The following GLIS3 variants were observed in gnomAD, a reference collection of about 807,000 sequenced individuals.
GLIS3 encodes the protein zinc finger protein GLIS3.
GLIS3 carries 53 observed loss-of-function variants against 78.6 expected under a neutral mutation model. That is an observed-to-expected ratio of 0.67 (90% confidence interval 0.54 to 0.85). The LOEUF (loss-of-function observed/expected upper bound fraction) is 0.85, where lower values mean the gene tolerates loss of function less well. Among genes scored for constraint, GLIS3 ranks in the 40% least tolerant of loss-of-function variants. The probability of loss-of-function intolerance (pLI) is 0.00; values close to 1 mark genes in which losing one functional copy is unlikely to be tolerated. For synonymous variants in GLIS3, 684 were observed against 509.9 expected (o/e 1.34, Z -4.60); for missense variants, 1,703 against 1,231.1 (o/e 1.38, Z -5.74).
the GLIS3 span, among the ~76,000 whole-genome samples, chr9:4,410,341 G>A: frequency 2.0e-5 from 3 of 152,096 alleles, no homozygotes; most frequent in Non-Finnish European, 4.4e-5. Context: ...CAGAGAAGCA[G>A]TTGTTTTTTC....
chr9:4,203,342 G>T lies in GLIS3; in HGVS notation c.389-77401C>A, dbSNP rs188683966. ...AAAAAAATCAACAGATGCTAGTGAG[G>T]CTGTGGAGAAAAGGGAATGCTTATA... On this transcript the variant is annotated intron_variant, in intron 2 of 10. Coordinates refer to ENST00000381971, the MANE Select transcript of GLIS3 (RefSeq NM_001042413.2). 2.6e-3 allele frequency among the ~76,000 whole-genome samples: 389 copies of T among 152,286 alleles called. 2 individuals are homozygous for T. Among genetic ancestry groups the T allele is most frequent in the African/African-American group, 7.6e-3 (314 of 41,552 alleles).
intron 4 of GLIS3, among the ~76,000 whole-genome samples, chr9:4,022,896 C>CT (rs1823004683): frequency 6.6e-6 from 1 of 152,154 alleles, no homozygotes; most frequent in Admixed American, 6.6e-5. Flanking sequence ...AGATCAGCGG[C>CT]TGTCTGGGGC....
intron 2 of GLIS3, chr9:4,285,796 C>T (rs1378045294): frequency 1.8e-6 from 1 of 542,646 alleles, no homozygotes; most frequent in Non-Finnish European, 3.3e-6. Flanking sequence ...ATCTTTCTAT[C>T]TTACTGTTAC....
intron 1 of GLIS3, among the ~76,000 whole-genome samples, chr9:4,296,883 C>T (rs545051454): frequency 1.4e-5 from 2 of 139,626 alleles, no homozygotes; most frequent in South Asian, 2.4e-4. Context: ...GATCCTTACA[C>T]CTCAGCTTGT....
the GLIS3 span, among the ~76,000 whole-genome samples, chr9:4,417,602 G>A: frequency 6.6e-6 from 1 of 151,928 alleles, no homozygotes; most frequent in East Asian, 1.9e-4. Context: ...TGCAATTTGG[G>A]GCCCTTGTGT....
chr9:4,161,170 GAC>G (rs1234500832), intron 2 of GLIS3, among the ~76,000 whole-genome samples: 2 of 151,960 alleles, frequency 1.3e-5, no homozygotes, highest in Non-Finnish European at 2.9e-5. Context: ...CTACTCAGGA[GAC>G]AGAGGCAGGA....
chr9:3,855,373 A>G (rs978628002), intron 9 of GLIS3: 1 of 155,156 alleles, frequency 6.4e-6, no homozygotes, highest in African/African-American at 2.4e-5. Flanking sequence ...GAGCTGTGTT[A>G]AGTTCCCTAA....
At chr9:3,951,094 C>T (rs1816650880) in intron 4 of GLIS3, among the ~76,000 whole-genome samples, 1 of 152,190 alleles carries the variant, frequency 6.6e-6, no homozygotes, top group Non-Finnish European at 1.5e-5. Context: ...ATTCTAACTG[C>T]ACACACAGAA....
chr9:4,241,864 T>A (rs7029982), intron 2 of GLIS3, among the ~76,000 whole-genome samples: 146,847 of 152,180 alleles, frequency 0.96, 71,068 homozygotes, highest in Middle Eastern at 1. Context: ...TTTATTTTTA[T>A]GTAGAGACGG....
intron 2 of GLIS3, among the ~76,000 whole-genome samples, chr9:4,257,486 A>T (rs1825075474): frequency 6.6e-6 from 1 of 152,230 alleles, no homozygotes; most frequent in Non-Finnish European, 1.5e-5. Context: ...CTCTTACCAC[A>T]AAAAAGCAAA....
At chr9:4,311,047 A>C (rs1206432820) in intron 2 of GLIS3, among the ~76,000 whole-genome samples, 1 of 152,210 alleles carries the variant, frequency 6.6e-6, no homozygotes, top group Non-Finnish European at 1.5e-5. Flanking sequence ...ACTTTATAGA[A>C]GTGCCTAATC....
chr9:4,043,351 C>T (rs139733828), intron 4 of GLIS3, among the ~76,000 whole-genome samples: 1 of 152,094 alleles, frequency 6.6e-6, no homozygotes, highest in East Asian at 1.9e-4. Flanking sequence ...GGGTGAGGTA[C>T]ACTGAGTTTT....
chr9:3,881,152 G>T (rs932738978), intron 7 of GLIS3, among the ~76,000 whole-genome samples: 1 of 152,164 alleles, frequency 6.6e-6, no homozygotes, highest in South Asian at 2.1e-4. Flanking sequence ...AGGCTGTTTG[G>T]ATTGACTGTG....
chr9:3,903,922 C>T (rs1030621016), intron 6 of GLIS3, among the ~76,000 whole-genome samples: 1 of 152,094 alleles, frequency 6.6e-6, no homozygotes, highest in Admixed American at 6.5e-5. Context: ...AGGAGGTCAG[C>T]ATGGCTGGGG....
chr9:3,940,984 C>A (rs1432857893), intron 4 of GLIS3, among the ~76,000 whole-genome samples: 1 of 152,164 alleles, frequency 6.6e-6, no homozygotes, highest in Non-Finnish European at 1.5e-5. Flanking sequence ...GCTGGCATCG[C>A]CTGGGAACTT....
intron 7 of GLIS3, among the ~76,000 whole-genome samples, chr9:3,893,429 A>T (rs957561343): frequency 1.3e-5 from 2 of 152,204 alleles, no homozygotes; most frequent in Non-Finnish European, 2.9e-5. Flanking sequence ...GCTGGCTGGG[A>T]ATCAGAGTCT....
chr9:4,091,553 A>C lies in GLIS3; in HGVS notation c.1710+26215T>G, dbSNP rs909255491. Among the ~76,000 whole-genome samples, 6 of 152,156 alleles carry C rather than the reference A, an allele frequency of 3.9e-5. No individual in the cohort carries two copies. In the East Asian group the frequency reaches 1.2e-3, roughly 29 times the overall value. On this transcript the variant is annotated intron_variant, in intron 4 of 10. Coordinates refer to ENST00000381971, the MANE Select transcript of GLIS3 (RefSeq NM_001042413.2). ...CACAAACACACACACACACAACCACATAAGTATGAATGTGCAGTCATGTGT... is the reference window on the plus strand; with the variant it reads ...CACAAACACACACACACACAACCACCTAAGTATGAATGTGCAGTCATGTGT...
chr9:4,174,621 A>G (rs1564151240), intron 2 of GLIS3, among the ~76,000 whole-genome samples: 2 of 152,196 alleles, frequency 1.3e-5, no homozygotes, highest in Admixed American at 6.5e-5. Flanking sequence ...CTTTTATTGC[A>G]TATGCTAAAC....
chr9:3,936,643 C>T (rs960959716), intron 5 of GLIS3, among the ~76,000 whole-genome samples: 4 of 152,080 alleles, frequency 2.6e-5, no homozygotes, highest in African/African-American at 9.7e-5. Context: ...CAAACAAAAA[C>T]TGCTTCATAT....
Sources: gnomAD v4.1 joint callset for allele counts (sites outside exome capture counted in the v4.1 genomes callset) on GRCh38, gnomAD v4.1.1 for gene constraint, MANE v1.5 for transcripts, NCBI Gene and HGNC (gene_info 2026-07-23, HGNC 2026-07-21) for gene names.